LRRC63: variants seen among roughly 807,000 people sequenced by gnomAD.
LRRC63 encodes leucine rich repeat containing 63, also known as leucine-rich repeat-containing protein 63.
A neutral mutation model predicts 49.5 loss-of-function variants in LRRC63; 40 were observed. The observed-to-expected ratio is 0.81, with a 90% CI of 0.63 to 1.05. The LOEUF (loss-of-function observed/expected upper bound fraction) is 1.05, where lower values mean the gene tolerates loss of function less well. Ranked by LOEUF, LRRC63 falls within the 50% of genes least tolerant of loss-of-function variation. The pLI is 0.00. For synonymous variants in LRRC63, 191 were observed against 221.1 expected (o/e 0.86, Z 1.21); for missense variants, 636 against 663.1 (o/e 0.96, Z 0.45).
chr13:46,213,243 G>A (rs962386479), intron 2 of LRRC63, 124 bp downstream of exon 2: 2 of 613,662 alleles, frequency 3.3e-6, no homozygotes, highest in Admixed American at 7.0e-5. Flanking sequence ...TTGTTGTCAG[G>A]TGATAACATC....
intron 2 of LRRC63, among the ~76,000 whole-genome samples, chr13:46,218,264 G>A (rs1412948468): frequency 6.6e-6 from 1 of 152,192 alleles, no homozygotes; most frequent in African/African-American, 2.4e-5. Flanking sequence ...CTAAGAACTT[G>A]CTTTATGAAT....
In LRRC63 at chr13:46,228,327, A is replaced by C. The variant is rs1156659308; in HGVS notation, c.763+138A>C. On this transcript the variant is annotated intron_variant, in intron 3 of 9. Coordinates refer to ENST00000595396, the Ensembl canonical transcript of LRRC63. The stretch of plus-strand genomic sequence containing the variant: ...GAATCACCTTTTATATATACATGTA[A>C]TACTTGAGCCATAGGGCAATAACAG... 3 of 688,050 alleles carry C rather than the reference A, an allele frequency of 4.4e-6. No individual in the cohort carries two copies. In the African/African-American group the frequency reaches 5.4e-5, roughly 12 times the overall value. 42.6% of individuals were successfully genotyped at this position (688,050 alleles called of 1,614,324 possible). A position where few individuals can be genotyped will look rare whatever the true frequency, so the allele number is the denominator to read the frequency against.
intron 7 of LRRC63, among the ~76,000 whole-genome samples, chr13:46,261,422 T>C (rs926427523): frequency 2.6e-5 from 4 of 152,196 alleles, no homozygotes; most frequent in Non-Finnish European, 4.4e-5. Context: ...AGGTTGGAGT[T>C]ATGCTTCCAC....
At chr13:46,212,793 A>G (rs1442756021) in intron 1 of LRRC63, among the ~76,000 whole-genome samples, 4 of 152,218 alleles carry the variant, frequency 2.6e-5, no homozygotes, top group Non-Finnish European at 5.9e-5. Flanking sequence ...ATGTTTACTT[A>G]TAACCCTACA....
At chr13:46,235,671 G>A (rs373466808) in intron 5 of LRRC63, among the ~76,000 whole-genome samples, 9 of 152,100 alleles carry the variant, frequency 5.9e-5, no homozygotes, top group East Asian at 1.9e-4. Flanking sequence ...ATTTTTTCAC[G>A]TCAGATGGGT....
intron 4 of LRRC63, among the ~76,000 whole-genome samples, chr13:46,231,976 C>T (rs2046774979): frequency 6.6e-6 from 1 of 151,946 alleles, no homozygotes; most frequent in Admixed American, 6.6e-5. Context: ...CCACCATGCC[C>T]AGCTAATTTT....
chr13:46,239,983 G>A (rs946556957), intron 5 of LRRC63, among the ~76,000 whole-genome samples: 5 of 152,048 alleles, frequency 3.3e-5, no homozygotes, highest in South Asian at 2.1e-4. Flanking sequence ...CATAAACTAG[G>A]TATTGAAGGA....
intron 2 of LRRC63, among the ~76,000 whole-genome samples, chr13:46,217,011 A>G (rs2046270996): frequency 6.6e-6 from 1 of 152,210 alleles, no homozygotes; most frequent in African/African-American, 2.4e-5. Flanking sequence ...TCGGTTTGCC[A>G]CTATTTTATT....
At chr13:46,230,643 T>G (rs543920133) in intron 4 of LRRC63, among the ~76,000 whole-genome samples, 5 of 152,182 alleles carry the variant, frequency 3.3e-5, no homozygotes, top group Non-Finnish European at 7.3e-5. Flanking sequence ...GCCTTGTTCC[T>G]CTTGGCTATT....
chr13:46,213,323 G>A (rs1235452820), intron 2 of LRRC63, among the ~76,000 whole-genome samples: 1 of 152,134 alleles, frequency 6.6e-6, no homozygotes, highest in African/African-American at 2.4e-5. Flanking sequence ...TTATCTCATC[G>A]ATAAAATTTA....
At chr13:46,228,792 A>G in intron 4 of LRRC63, 59 bp downstream of exon 4, 1 of 1,164,118 alleles carries the variant, frequency 8.6e-7, no homozygotes, top group Non-Finnish European at 1.2e-6. Flanking sequence ...TATCTTTAAA[A>G]AATTATGGGT....
At chr13:46,244,705 G>A (rs1166188545) in intron 5 of LRRC63, among the ~76,000 whole-genome samples, 5 of 152,106 alleles carry the variant, frequency 3.3e-5, no homozygotes, top group Admixed American at 3.3e-4. Flanking sequence ...AGGAATTTGA[G>A]GTTTTAGTGA....
chr13:46,219,842 C>T (rs1009058607), intron 2 of LRRC63, among the ~76,000 whole-genome samples: 3 of 152,040 alleles, frequency 2.0e-5, no homozygotes, highest in African/African-American at 7.3e-5. Context: ...TTATTTTTTC[C>T]TTCCATCAGT....
intron 3 of LRRC63, 140 bp from the exon 4 acceptor site, chr13:46,228,525 C>A: frequency 1.6e-6 from 1 of 633,438 alleles, no homozygotes; most frequent in Non-Finnish European, 2.8e-6. Flanking sequence ...AATGCCAGTG[C>A]TGATAGACGC....
At chr13:46,246,999 C>A (rs545892990) in intron 6 of LRRC63, among the ~76,000 whole-genome samples, 2 of 152,050 alleles carry the variant, frequency 1.3e-5, no homozygotes, top group East Asian at 3.9e-4. Context: ...AATTACCAAA[C>A]GATAAAATAT....
At chr13:46,267,532 C>T (rs2047699629) in intron 9 of LRRC63, among the ~76,000 whole-genome samples, 1 of 152,114 alleles carries the variant, frequency 6.6e-6, no homozygotes, top group Non-Finnish European at 1.5e-5. Flanking sequence ...ACCATCAGTG[C>T]TTAGGTTATT....
intron 2 of LRRC63, among the ~76,000 whole-genome samples, chr13:46,224,220 C>G (rs2046502184): frequency 6.6e-6 from 1 of 152,168 alleles, no homozygotes; most frequent in African/African-American, 2.4e-5. Context: ...TATGTTGTCC[C>G]AAATATCACA....
At chr13:46,257,897 A>G (rs1191757003) in intron 7 of LRRC63, among the ~76,000 whole-genome samples, 2 of 151,312 alleles carry the variant, frequency 1.3e-5, no homozygotes, top group Admixed American at 1.3e-4. Context: ...TATAGTTTCC[A>G]TATGTTAAAA....
intron 5 of LRRC63, among the ~76,000 whole-genome samples, chr13:46,245,657 G>A (rs11147999): frequency 0.14 from 20,643 of 151,942 alleles, 1,912 homozygotes; most frequent in African/African-American, 0.26. Flanking sequence ...AGAAAACACC[G>A]AGGAAATCAG....
Sources: allele counts gnomAD v4.1 joint callset (sites outside exome capture counted in the v4.1 genomes callset), GRCh38; gene constraint gnomAD v4.1.1; transcripts MANE v1.5; gene names NCBI Gene and HGNC (gene_info 2026-07-23, HGNC 2026-07-21).